The following ASS1 variants were observed in gnomAD, a reference collection of about 807,000 sequenced individuals.
The protein encoded by ASS1 is argininosuccinate synthase.
ASS1 carries 58 observed loss-of-function variants against 60.5 expected under a neutral mutation model. That is an observed-to-expected ratio of 0.96 (90% CI 0.78 to 1.19). The LOEUF (loss-of-function observed/expected upper bound fraction) is 1.19. Ranked by LOEUF, ASS1 falls within the 50% of genes most tolerant of loss-of-function variation. The pLI is 0.00. For missense variants in ASS1, 454 were observed against 547.3 expected, an observed-to-expected ratio of 0.83 and a Z score of 1.70; for synonymous variants, 200 against 206.9, an observed-to-expected ratio of 0.97 and a Z score of 0.29.
chr9:130,492,901 C>T (rs1846482724), intron 12 of ASS1, among the ~76,000 whole-genome samples: 1 of 152,114 alleles, frequency 6.6e-6, no homozygotes, highest in Admixed American at 6.5e-5. Context: ...AGGCTGGGTC[C>T]GCTGGGAAAA....
chr9:130,451,489 A>T, intron 1 of ASS1: 1 of 290,728 alleles, frequency 3.4e-6, no homozygotes, highest in South Asian at 3.3e-5. Context: ...AGAGGCGCTC[A>T]CATTTGGAGA....
intron 5 of ASS1, 68 bp downstream of exon 5, chr9:130,464,235 C>T (rs368396528): frequency 2.1e-4 from 329 of 1,561,436 alleles, no homozygotes; most frequent in Non-Finnish European, 2.7e-4. Context: ...GAGGAGGGCA[C>T]AGGGTTCTGG....
At chr9:130,452,168 G>A (rs2131867321) in intron 1 of ASS1, 56 bp from the exon 2 acceptor site, 1 of 1,482,396 alleles carries the variant, frequency 6.7e-7, no homozygotes, top group East Asian at 2.3e-5. Flanking sequence ...TGCAGGGGCT[G>A]GCGGGGGGCA....
intron 1 of ASS1, chr9:130,451,953 C>T: frequency 1.6e-6 from 1 of 614,640 alleles, no homozygotes; most frequent in Non-Finnish European, 3.0e-6. Context: ...GGATCAGGTC[C>T]AAGAGATGCC....
chr9:130,462,870 G>A (rs1451784301), intron 4 of ASS1, among the ~76,000 whole-genome samples: 3 of 152,146 alleles, frequency 2.0e-5, no homozygotes, highest in Non-Finnish European at 4.4e-5. Flanking sequence ...AGTGTGAACC[G>A]TTAGGATGAG....
chr9:130,500,842 G>A, intron 14 of ASS1, 134 bp from the exon 15 acceptor site: 1 of 898,700 alleles, frequency 1.1e-6, no homozygotes, highest in South Asian at 1.4e-5. Flanking sequence ...AGAGGGAATA[G>A]AAAAAAAGGC....
intron 1 of ASS1, among the ~76,000 whole-genome samples, chr9:130,451,028 C>T (rs1254714653): frequency 6.6e-6 from 1 of 152,190 alleles, no homozygotes; most frequent in African/African-American, 2.4e-5. Flanking sequence ...ATCCGATGAC[C>T]CTGGGCAGGT....
At chr9:130,466,949 C>G (rs891019685) in intron 6 of ASS1, 150 bp downstream of exon 6, 8 of 936,996 alleles carry the variant, frequency 8.5e-6, no homozygotes, top group Admixed American at 4.0e-5. Flanking sequence ...TGCCTACACA[C>G]GTGGCCTCTG....
intron 13 of ASS1, among the ~76,000 whole-genome samples, chr9:130,497,477 G>A (rs954416052): frequency 3.5e-5 from 5 of 142,618 alleles, no homozygotes; most frequent in African/African-American, 1.0e-4. Context: ...TCTGTAGACC[G>A]TCAGGGGAGG....
intron 11 of ASS1, among the ~76,000 whole-genome samples, chr9:130,486,510 C>T (rs1846309337): frequency 6.6e-6 from 1 of 152,174 alleles, no homozygotes; most frequent in Admixed American, 6.5e-5. Context: ...CTCTGAGCTA[C>T]TCTGCAGAAA....
chr9:130,464,055 C>A, intron 4 of ASS1, 56 bp from the exon 5 acceptor site: 1 of 1,597,954 alleles, frequency 6.3e-7, no homozygotes, highest in Non-Finnish European at 8.6e-7. Context: ...CGTCCTCCCC[C>A]AGACTCCAGA....
In ASS1 at chr9:130,480,415, C is replaced by T. The variant is rs773540764; in HGVS notation, c.804C>T (p.Ile268=). ...AGKHGVGRID[I]VENRFIGMKS... ...AGCATGGCGTGGGCCGTATTGACAT[C>T]GTGGAGAACCGCTTCATTGGAATGA... The change falls in exon 11 of 15, where the codon ATC becomes ATT. Residue 268 remains isoleucine (I), a synonymous_variant. Coordinates refer to ENST00000352480, the MANE Select transcript of ASS1 (RefSeq NM_054012.4). 6.2e-6 allele frequency: 10 copies of T among 1,614,056 alleles called. No individual in the cohort carries two copies. The South Asian group carries it at 6.6e-5, about 11-fold the overall frequency.
chr9:130,477,370 T>C lies in ASS1; in HGVS notation c.688+409T>C, dbSNP rs1846046858. On this transcript the variant is annotated intron_variant, in intron 9 of 14. Transcript: ENST00000352480. This position sits in a 1 kb window ranked among gnomAD's most constrained non-coding sequence, Gnocchi z 4.2. Reference sequence around the variant, plus strand: ...AGCCCTGGGCCCTGACCCCGGAAGGTGCTCAGTAAACGGTGAGTGTTGGCG... The same window carrying C: ...AGCCCTGGGCCCTGACCCCGGAAGGCGCTCAGTAAACGGTGAGTGTTGGCG... Among the ~76,000 whole-genome samples the C allele has an allele frequency of 6.6e-6, 1 of 152,128 alleles. No individual in the cohort carries two copies. Among genetic ancestry groups the C allele is most frequent in the African/African-American group, 2.4e-5 (1 of 41,428 alleles).
chr9:130,455,033 C>T (rs1172233365), intron 3 of ASS1, among the ~76,000 whole-genome samples: 3 of 150,346 alleles, frequency 2.0e-5, no homozygotes, highest in Non-Finnish European at 4.5e-5. Flanking sequence ...ATCCATCCAT[C>T]ATCCATCCAT....
intron 11 of ASS1, among the ~76,000 whole-genome samples, chr9:130,484,573 T>C (rs1437208237): frequency 1.3e-5 from 2 of 152,166 alleles, no homozygotes; most frequent in African/African-American, 2.4e-5. Context: ...AGCTGCTGTG[T>C]GTGTCACTCC....
At position 130,501,182 on chromosome 9, in the gene ASS1, G is replaced by A; in HGVS notation, c.*161G>A. ...TTGTTCCCTGGTCCCCCTGAAGCCT[G>A]CAAACGTTGTCATCGAAGGGAAGGG... On this transcript the variant is annotated 3_prime_UTR_variant, in exon 15 of 15. Coordinates refer to ENST00000352480, the MANE Select transcript of ASS1 (RefSeq NM_054012.4). 1.3e-6 allele frequency: 1 copy of A among 765,240 alleles called. No individual in the cohort carries two copies. Among genetic ancestry groups the A allele is most frequent in the South Asian group, 1.5e-5 (1 of 65,912 alleles). The allele number at this position is 765,240 out of a possible 1,614,324, so 47.4% of individuals were successfully genotyped here. A position where few individuals can be genotyped will look rare whatever the true frequency, so the allele number is the denominator to read the frequency against.
At chr9:130,479,669 C>T (rs775367327) in intron 9 of ASS1, 47 bp from the exon 10 acceptor site, 1 of 1,509,716 alleles carries the variant, frequency 6.6e-7, no homozygotes, top group Admixed American at 1.7e-5. Context: ...GCAGACTCCT[C>T]CGCTGAGCCG....
chr9:130,452,381 G>C (rs1403936565), intron 2 of ASS1, 48 bp downstream of exon 2: 1 of 1,525,436 alleles, frequency 6.6e-7, no homozygotes, highest in Non-Finnish European at 9.1e-7. Flanking sequence ...CCTGCAACCT[G>C]TCCTGTCTGC....
At position 130,501,094 on chromosome 9, in the gene ASS1, T is replaced by C; in HGVS notation, c.*73T>C. On this transcript the variant is annotated 3_prime_UTR_variant, in exon 15 of 15. Coordinates refer to ENST00000352480, the MANE Select transcript of ASS1 (RefSeq NM_054012.4). ...CAAGTACAGGCGCTAATTGTTGTGA[T>C]AATTTGTAATTGTGACTTGTTCTCC... 1 of 1,491,004 alleles carries C rather than the reference T, an allele frequency of 6.7e-7. No homozygotes were observed. The highest frequency in any genetic ancestry group is 1.1e-5 in the South Asian group (1 of 88,586). The allele number at this position is 1,491,004 out of a possible 1,614,324, so 92.4% of individuals were successfully genotyped here. A position where few individuals can be genotyped will look rare whatever the true frequency, so the allele number is the denominator to read the frequency against.
Sources: gnomAD v4.1 joint callset for allele counts (sites outside exome capture counted in the v4.1 genomes callset) on GRCh38, gnomAD v4.1.1 for gene constraint, Gnocchi (gnomAD v3.1) non-coding constraint, MANE v1.5 for transcripts, NCBI Gene and HGNC (gene_info 2026-07-23, HGNC 2026-07-21) for gene names.